The following CGN variants were observed in gnomAD, a reference collection of about 807,000 sequenced individuals.
The protein encoded by CGN is cingulin.
A neutral mutation model predicts 157.1 loss-of-function variants in CGN; 121 were observed. The ratio of observed to expected loss-of-function variants is 0.77; its 90% CI spans 0.66 to 0.90. The LOEUF (loss-of-function observed/expected upper bound fraction) is 0.90, where lower values mean the gene tolerates loss of function less well. Ranked by LOEUF, CGN falls within the 40% of genes least tolerant of loss-of-function variation. CGN has a pLI of 0.00. For synonymous variants in CGN, 535 were observed against 607.5 expected, an observed-to-expected ratio of 0.88 and a Z score of 1.76; for missense variants, 1,424 against 1,520.9, an observed-to-expected ratio of 0.94 and a Z score of 1.06.
intron 13 of CGN, among the ~76,000 whole-genome samples, chr1:151,532,069 A>G (rs1664849068): frequency 6.6e-6 from 1 of 152,244 alleles, no homozygotes; most frequent in Admixed American, 6.5e-5. Flanking sequence ...TGTATCAGGC[A>G]CTGTTGTAAG....
At chr1:151,533,745 G>GATCGCA (rs1664892929) in intron 14 of CGN, among the ~76,000 whole-genome samples, 1 of 152,058 alleles carries the variant, frequency 6.6e-6, no homozygotes, top group Non-Finnish European at 1.5e-5. Context: ...TGTAAGCTGA[G>GATCGCA]ATCGCACCAC....
rs768461464 is a variant in CGN at position 151,518,667 on chromosome 1, A to G, written c.148A>G (p.Thr50Ala). 4 of 1,614,122 alleles carry G rather than the reference A, an allele frequency of 2.5e-6. No individual in the cohort carries two copies. The highest frequency in any genetic ancestry group is 3.4e-6 in the Non-Finnish European group (4 of 1,180,020). The change falls in exon 2 of 21, where the codon ACC (threonine) becomes GCC (alanine). Residue 50 changes from threonine (T) to alanine (A), a missense_variant. Physicochemically the swap from Thr to Ala is moderately conservative, Grantham distance 58. This residue lies in a region of CGN where 1,187 missense variants were observed against 1,217.6 expected (regional missense o/e 0.97). Coordinates refer to ENST00000271636, the MANE Select transcript of CGN (RefSeq NM_020770.3). ...RRPAKDARAS[T>A]YGVAVRVQGI... ...CCCAGCTAAGGATGCAAGAGCCAGTACCTACGGGGTTGCTGTGCGTGTGCA... is the reference window on the plus strand; with the variant it reads ...CCCAGCTAAGGATGCAAGAGCCAGTGCCTACGGGGTTGCTGTGCGTGTGCA...
At chr1:151,528,958 C>T (rs775129637) in intron 10 of CGN, among the ~76,000 whole-genome samples, 2 of 152,062 alleles carry the variant, frequency 1.3e-5, no homozygotes, top group Non-Finnish European at 2.9e-5. Context: ...AAGGTTTGTC[C>T]ATGTGGTAGC....
intron 1 of CGN, among the ~76,000 whole-genome samples, chr1:151,516,539 G>A (rs1192883236): frequency 2.2e-5 from 2 of 92,174 alleles, no homozygotes; most frequent in Non-Finnish European, 4.5e-5. Context: ...CCTTAAAGTG[G>A]CACTTTTTTT....
chr1:151,522,814 T>C (rs1238780689), intron 5 of CGN, among the ~76,000 whole-genome samples: 1 of 151,304 alleles, frequency 6.6e-6, no homozygotes, highest in Admixed American at 6.6e-5. Context: ...CTTAGGAGGC[T>C]GAGGCACGAG....
chr1:151,537,640 A>G lies in CGN; in HGVS notation c.*294A>G. 1 of 306,988 alleles carries G rather than the reference A, an allele frequency of 3.3e-6. No homozygotes were observed. The allele number at this position is 306,988 out of a possible 1,614,324, so 19.0% of individuals were successfully genotyped here. On this transcript the variant is annotated 3_prime_UTR_variant, in exon 21 of 21. Coordinates refer to ENST00000271636, the MANE Select transcript of CGN (RefSeq NM_020770.3). Reference sequence around the variant, plus strand: ...GATGGTCAGCATTAGGCTGATGGGGACTGAGAAGGATAGGAAGGGATAGAA... The same window carrying G: ...GATGGTCAGCATTAGGCTGATGGGGGCTGAGAAGGATAGGAAGGGATAGAA...
At chr1:151,512,538 A>G (rs1052952867) in intron 1 of CGN, among the ~76,000 whole-genome samples, 4 of 152,194 alleles carry the variant, frequency 2.6e-5, no homozygotes, top group Non-Finnish European at 4.4e-5. Context: ...AGACCACGAG[A>G]CTAGGGAAAT....
In CGN at chr1:151,518,949, C is replaced by T. The variant is rs1245424539; in HGVS notation, c.430C>T (p.Pro144Ser). The T allele has an allele frequency of 4.3e-6, 7 of 1,614,050 alleles. No individual in the cohort carries two copies. The African/African-American group carries it at 8.0e-5, about 18-fold the overall frequency. ...RSHSQASLAG[P>S]GPVDPSNRSN... is the part of the protein sequence containing the mutation. Reference sequence around the variant, plus strand: ...CCACTCCCAGGCCTCACTGGCAGGCCCTGGCCCAGTGGATCCTAGTAACAG... The same window carrying T: ...CCACTCCCAGGCCTCACTGGCAGGCTCTGGCCCAGTGGATCCTAGTAACAG... Residue 144 changes from proline (P) to serine (S), a missense_variant, in exon 2 of 21, where the codon CCT becomes TCT. Pro to Ser is a moderately conservative substitution (Grantham distance 74). Around this residue, in one of 3 missense-constraint regions of CGN, gnomAD observed 1,187 missense variants for 1,217.6 expected, o/e 0.97. Transcript: ENST00000271636.
chr1:151,519,805 A>G (rs1664498731), intron 2 of CGN, among the ~76,000 whole-genome samples: 4 of 152,222 alleles, frequency 2.6e-5, no homozygotes, highest in Admixed American at 2.6e-4. Flanking sequence ...GAGTGACTTT[A>G]CTTTGAGAGA....
In CGN at chr1:151,530,509, G is replaced by T. The variant is rs767248803; in HGVS notation, c.2334G>T (p.Glu778Asp). Reference protein sequence around the residue: ...QRLEAEKQQLEEALNASQEEE... With the variant: ...QRLEAEKQQLDEALNASQEEE... ...CCCAGGCAGAGAAACAGCAGCTGGAGGAGGCCCTGAATGCGTCCCAGGAAG... is the reference window on the plus strand; with the variant it reads ...CCCAGGCAGAGAAACAGCAGCTGGATGAGGCCCTGAATGCGTCCCAGGAAG... Residue 778 changes from glutamate (E) to aspartate (D), a missense_variant, in exon 13 of 21, where the codon GAG (glutamate) becomes GAT (aspartate). This residue lies in a region of CGN where 1,187 missense variants were observed against 1,217.6 expected (regional missense o/e 0.97). Coordinates refer to ENST00000271636, the MANE Select transcript of CGN (RefSeq NM_020770.3). 1.3e-6 allele frequency: 2 copies of T among 1,593,232 alleles called. No individual in the cohort carries two copies. The highest frequency in any genetic ancestry group is 3.5e-5 in the Admixed American group (2 of 57,164).
intron 10 of CGN, 110 bp downstream of exon 10, chr1:151,527,217 C>T (rs1664703349): frequency 1.7e-6 from 2 of 1,194,314 alleles, no homozygotes. Context: ...GCTTGGTTTC[C>T]AGGCCTCATC....
At chr1:151,536,176 G>C in intron 18 of CGN, 61 bp from the exon 19 acceptor site, 1 of 1,081,222 alleles carries the variant, frequency 9.2e-7, no homozygotes, top group Non-Finnish European at 1.4e-6. Flanking sequence ...ACAGTAGGGG[G>C]CCAAGTTAGG....
At chr1:151,526,853 T>G in intron 9 of CGN, 122 bp from the exon 10 acceptor site, 11 of 1,046,666 alleles carry the variant, frequency 1.1e-5, no homozygotes, top group Non-Finnish European at 1.6e-5. Flanking sequence ...TCCTTCCTCT[T>G]GAGAGTTGGT....
intron 5 of CGN, among the ~76,000 whole-genome samples, chr1:151,523,183 G>A (rs1246324184): frequency 3.9e-5 from 6 of 152,280 alleles, no homozygotes; most frequent in African/African-American, 1.4e-4. Flanking sequence ...AGTCAAGCCC[G>A]TGCTCGAGGC....
In CGN at chr1:151,518,699, C is replaced by T. The variant is rs142876758; in HGVS notation, c.180C>T (p.Ile60=). 3,340 of 1,614,132 alleles carry T rather than the reference C, an allele frequency of 2.1e-3. 20 individuals are homozygous for T. Among genetic ancestry groups the T allele is most frequent in the African/African-American group, 0.016 (1,233 of 75,026 alleles). ...GGGTTGCTGTGCGTGTGCAGGGAAT[C>T]GCTGGGCAGCCCTTTGTGGTGCTCA... ...TYGVAVRVQG[I]AGQPFVVLNS... Residue 60 remains isoleucine, a synonymous_variant, in exon 2 of 21, where the codon ATC becomes ATT. Coordinates refer to ENST00000271636, the MANE Select transcript of CGN (RefSeq NM_020770.3).
Position 151,528,170 on chromosome 1 carries a change from C to T in CGN, c.1896+1063C>T, listed in dbSNP as rs533075965. Among the ~76,000 whole-genome samples the T allele has an allele frequency of 1.1e-3, 159 of 148,124 alleles. 1 individual carries two copies. Among genetic ancestry groups the T allele is most frequent in the African/African-American group, 3.5e-3 (144 of 40,980 alleles). On this transcript the variant is annotated intron_variant, in intron 10 of 20. Transcript: ENST00000271636. ...AAAATACACGTACTCAGTGTTTCAC[C>T]GTGAAACATGGTTTCACCGTGTTAA...
Position 151,523,503 on chromosome 1 carries a change from A to T in CGN, c.1210A>T (p.Ser404Cys). The stretch of plus-strand genomic sequence containing the variant: ...GCTGGAGGAGAAAACAGAAGAGTGC[A>T]GCCGACTGCAGGAGCTGCTGGAGAG... Reference protein sequence around the residue: ...RQLEEKTEECSRLQELLERRK... With the variant: ...RQLEEKTEECCRLQELLERRK... Residue 404 changes from serine to cysteine, a missense_variant, in exon 6 of 21, where the codon AGC becomes TGC. Ser to Cys is a moderately radical substitution (Grantham distance 112). This residue lies in a region of CGN where 1,187 missense variants were observed against 1,217.6 expected (regional missense o/e 0.97). Coordinates refer to ENST00000271636, the MANE Select transcript of CGN (RefSeq NM_020770.3). 6.2e-7 allele frequency: 1 copy of T among 1,613,478 alleles called. No homozygotes were observed. The highest frequency in any genetic ancestry group is 8.5e-7 in the Non-Finnish European group (1 of 1,179,746).
rs1361315228 is a variant in CGN, at chr1:151,529,894, C to T, written c.2107-15C>T. 10 of 1,609,492 alleles carry T rather than the reference C, an allele frequency of 6.2e-6. No homozygotes were observed. Among genetic ancestry groups the T allele is most frequent in the Non-Finnish European group, 8.5e-6 (10 of 1,177,180 alleles). On this transcript the variant is annotated splice_polypyrimidine_tract_variant and intron_variant, in intron 11 of 20. Transcript: ENST00000271636. ...GCCCTGGGGTCTGAGCTGCCACCCC[C>T]TGAACCGTCCTTAGGCTAAGATGGT...
rs550262356 is a variant in CGN at position 151,519,183 on chromosome 1, G to C, written c.664G>C (p.Asp222His). ...SKSLDSRLPR[D>H]TFEERERQST... ...GAGCCTGGACAGCCGCCTCCCACGGGACACCTTTGAGGAACGGGAGCGCCA... is the reference window on the plus strand; with the variant it reads ...GAGCCTGGACAGCCGCCTCCCACGGCACACCTTTGAGGAACGGGAGCGCCA... The change falls in exon 2 of 21, where the codon GAC (aspartate) becomes CAC (histidine). Residue 222 changes from aspartate to histidine, a missense_variant. Around this residue, in one of 3 missense-constraint regions of CGN, gnomAD observed 1,187 missense variants for 1,217.6 expected, o/e 0.97. Coordinates refer to ENST00000271636, the MANE Select transcript of CGN (RefSeq NM_020770.3). 3 of 1,614,072 alleles carry C rather than the reference G, an allele frequency of 1.9e-6. No individual in the cohort carries two copies. The highest frequency in any genetic ancestry group is 2.2e-5 in the East Asian group (1 of 44,878).
Sources: allele counts gnomAD v4.1 joint callset (sites outside exome capture counted in the v4.1 genomes callset), GRCh38; gene constraint gnomAD v4.1.1; regional missense constraint gnomAD v4.1.1; transcripts MANE v1.5; gene names NCBI Gene and HGNC (gene_info 2026-07-23, HGNC 2026-07-21).